The following DYRK1A variants were observed in gnomAD, a reference collection of about 807,000 sequenced individuals.
The protein encoded by DYRK1A is dual specificity tyrosine phosphorylation regulated kinase 1A.
DYRK1A carries 9 observed loss-of-function variants against 79.7 expected under a neutral mutation model. The ratio of observed to expected loss-of-function variants is 0.11; its 90% CI spans 0.07 to 0.20. The LOEUF (loss-of-function observed/expected upper bound fraction) is 0.20, where lower values mean the gene tolerates loss of function less well. DYRK1A is among the 10% of genes least tolerant of loss of function. DYRK1A has a pLI of 1.00. For synonymous variants in DYRK1A, 349 were observed against 329.7 expected (o/e 1.06, Z -0.63); for missense variants, 622 against 956.0 (o/e 0.65, Z 4.61).
chr21:37,512,239 C>T lies in DYRK1A; in HGVS notation c.1973C>T (p.Thr658Ile). Reference sequence around the variant, plus strand: ...TCTTCCTCAACGACTTCTTCCTCGACATCTTCCTCCTCTACTGGTAACCAA... The same window carrying T: ...TCTTCCTCAACGACTTCTTCCTCGATATCTTCCTCCTCTACTGGTAACCAA... Reference protein sequence around the residue: ...SLSSSTTSSSTSSSSTGNQGN... With the variant: ...SLSSSTTSSSISSSSTGNQGN... The change falls in exon 12 of 12, where the codon ACA (threonine) becomes ATA (isoleucine). Residue 658 changes from threonine to isoleucine, a missense_variant. By Grantham distance (89) the Thr-to-Ile change is moderately conservative. Transcript: ENST00000647188. The T allele has an allele frequency of 2.5e-6, 4 of 1,614,232 alleles. No individual in the cohort carries two copies. The highest frequency in any genetic ancestry group is 3.4e-6 in the Non-Finnish European group (4 of 1,180,036).
At chr21:37,502,363 T>C (rs2148642828) in intron 9 of DYRK1A, 1 of 152,308 alleles carries the variant, frequency 6.6e-6, no homozygotes, top group South Asian at 2.1e-4. Context: ...CGGGGAGGTT[T>C]GTTGAATACT....
At chr21:37,510,816 G>A (rs1260770184) in intron 11 of DYRK1A, among the ~76,000 whole-genome samples, 1 of 152,014 alleles carries the variant, frequency 6.6e-6, no homozygotes, top group Non-Finnish European at 1.5e-5. Flanking sequence ...AGTGACACAA[G>A]CTTTCATTCA....
At chr21:37,389,637 T>C (rs1239881114) in intron 1 of DYRK1A, among the ~76,000 whole-genome samples, 1 of 152,226 alleles carries the variant, frequency 6.6e-6, no homozygotes, top group East Asian at 1.9e-4. Flanking sequence ...CTCAAATATT[T>C]GGCCATCCTT....
rs1434471302 is a variant in DYRK1A, at chr21:37,520,341, A to G, written c.*7810A>G. On this transcript the variant is annotated 3_prime_UTR_variant, in exon 12 of 12. Transcript: ENST00000647188. ...TCTTAAGTTTATAAATAAAACAGGGATATTATCGGGGAAGCTTTTGAAATG... is the reference window on the plus strand; with the variant it reads ...TCTTAAGTTTATAAATAAAACAGGGGTATTATCGGGGAAGCTTTTGAAATG... 6.6e-6 allele frequency: 1 copy of G among 152,190 alleles called. No homozygotes were observed. Among genetic ancestry groups the G allele is most frequent in the Non-Finnish European group, 1.5e-5 (1 of 68,022 alleles). 9.4% of individuals were successfully genotyped at this position (152,190 alleles called of 1,614,324 possible). A position where few individuals can be genotyped will look rare whatever the true frequency, so the allele number is the denominator to read the frequency against.
At chr21:37,385,206 A>G (rs1347307544) in intron 1 of DYRK1A, among the ~76,000 whole-genome samples, 1 of 152,198 alleles carries the variant, frequency 6.6e-6, no homozygotes, top group Non-Finnish European at 1.5e-5. Context: ...ATATCACCAC[A>G]GAGTTAGTAG....
intron 3 of DYRK1A, among the ~76,000 whole-genome samples, chr21:37,477,474 G>C (rs778364692): frequency 8.5e-5 from 13 of 152,150 alleles, no homozygotes; most frequent in Admixed American, 2.0e-4. Flanking sequence ...GTGTATAGAG[G>C]GGGTGCATGC....
chr21:37,500,976 G>T, intron 9 of DYRK1A, among the ~76,000 whole-genome samples: 1 of 143,872 alleles, frequency 7.0e-6, no homozygotes, highest in Non-Finnish European at 1.5e-5. Flanking sequence ...TTTCTATTCT[G>T]TTTTTTGCTC....
rs1569304612 is a variant in DYRK1A, at chr21:37,417,535, T to TTTTTCTTTTC, written c.-76-2760_-76-2759insCTTTTCTTTT. ...TCTTTTTCTTTTTCTTTTTCTTTTT[T>TTTTTCTTTTC]TTTTTTTTTTTTTTTTTTTACAAAT... On this transcript the variant is annotated intron_variant, in intron 1 of 11. Coordinates refer to ENST00000647188, the MANE Select transcript of DYRK1A (RefSeq NM_001347721.2). Among the ~76,000 whole-genome samples the TTTTTCTTTTC allele has an allele frequency of 3.9e-3, 137 of 35,186 alleles. 2 individuals are homozygous for TTTTTCTTTTC. Among genetic ancestry groups the TTTTTCTTTTC allele is most frequent in the African/African-American group, 0.012 (132 of 10,906 alleles). The allele number at this position is 35,186 out of a possible 152,430, so 23.1% of individuals were successfully genotyped here.
At chr21:37,371,755 CCCCATGTTAG>C (rs1401086283) in intron 1 of DYRK1A, among the ~76,000 whole-genome samples, 2 of 152,150 alleles carry the variant, frequency 1.3e-5, no homozygotes, top group Non-Finnish European at 2.9e-5. Flanking sequence ...TGTTTTATCT[CCCCATGTTAG>C]AAAAGTTTGT....
intron 1 of DYRK1A, chr21:37,418,877 C>T (rs549176681): frequency 6.6e-6 from 1 of 152,064 alleles, no homozygotes; most frequent in East Asian, 1.9e-4. Context: ...GGAATATAGG[C>T]AAAGATTTCA....
intron 2 of DYRK1A, among the ~76,000 whole-genome samples, chr21:37,452,863 T>C (rs139849627): frequency 2.0e-4 from 31 of 151,986 alleles, no homozygotes; most frequent in African/African-American, 5.8e-4. Context: ...ATGCCTTTAA[T>C]GTTAAGAGCG....
At chr21:37,421,273 C>A (rs1477461688) in intron 2 of DYRK1A, among the ~76,000 whole-genome samples, 2 of 151,836 alleles carry the variant, frequency 1.3e-5, no homozygotes, top group Non-Finnish European at 2.9e-5. Context: ...CTAACAGATG[C>A]CTAATTATAT....
At chr21:37,458,274 G>C (rs1210949531) in intron 2 of DYRK1A, among the ~76,000 whole-genome samples, 4 of 145,710 alleles carry the variant, frequency 2.7e-5, no homozygotes, top group African/African-American at 1.0e-4. Flanking sequence ...TTTACTGTGT[G>C]TGTGTGTGTG....
chr21:37,405,693 G>A (rs8133143), intron 1 of DYRK1A, among the ~76,000 whole-genome samples: 8,081 of 152,152 alleles, frequency 0.053, 759 homozygotes, highest in African/African-American at 0.18. Flanking sequence ...AAATCTAAAT[G>A]TTTCCCTCTT....
intron 2 of DYRK1A, among the ~76,000 whole-genome samples, chr21:37,452,345 T>G: frequency 3.0e-5 from 4 of 133,062 alleles, no homozygotes; most frequent in South Asian, 2.6e-4. Context: ...GTAGTTAGAT[T>G]GAGGGGGATT....
At chr21:37,470,359 T>C (rs2052180273) in intron 2 of DYRK1A, among the ~76,000 whole-genome samples, 1 of 152,188 alleles carries the variant, frequency 6.6e-6, no homozygotes, top group South Asian at 2.1e-4. Context: ...TCTACAATAT[T>C]GCATTGAATA....
chr21:37,377,151 G>A (rs929368277), intron 1 of DYRK1A, among the ~76,000 whole-genome samples: 3 of 152,086 alleles, frequency 2.0e-5, no homozygotes, highest in East Asian at 1.9e-4. Context: ...ACGGAGTCTC[G>A]CTCTTTCCCC....
Position 37,526,088 on chromosome 21 carries a change from A to G in DYRK1A, c.*13557A>G, listed in dbSNP as rs891184187. 2.6e-5 allele frequency: 4 copies of G among 152,192 alleles called. No individual in the cohort carries two copies. Among genetic ancestry groups the G allele is most frequent in the Admixed American group, 2.0e-4 (3 of 15,278 alleles). The allele number at this position is 152,192 out of a possible 1,614,324, so 9.4% of individuals were successfully genotyped here. A position where few individuals can be genotyped will look rare whatever the true frequency, so the allele number is the denominator to read the frequency against. On this transcript the variant is annotated 3_prime_UTR_variant, in exon 12 of 12. Coordinates refer to ENST00000647188, the MANE Select transcript of DYRK1A (RefSeq NM_001347721.2). ...AATGTTACTGCTTTAAGCTCTTCCCATGTTGTTAAAAGTTAAAAAAAGAAG... is the reference window on the plus strand; with the variant it reads ...AATGTTACTGCTTTAAGCTCTTCCCGTGTTGTTAAAAGTTAAAAAAAGAAG...
Position 37,394,597 on chromosome 21 carries a change from C to G in DYRK1A, c.-76-25702C>G, listed in dbSNP as rs866252183. ...GCCTGAGCTCTGCCTCCTGTCAGAT[C>G]AGTGGCGGCATTTGATTCTCATAGG... On this transcript the variant is annotated intron_variant, in intron 1 of 11. Coordinates refer to ENST00000647188, the MANE Select transcript of DYRK1A (RefSeq NM_001347721.2). 5.9e-5 allele frequency among the ~76,000 whole-genome samples: 9 copies of G among 152,260 alleles called. No homozygotes were observed. In the South Asian group the frequency reaches 6.2e-4, roughly 11 times the overall value.
Sources: gnomAD v4.1 joint callset for allele counts (sites outside exome capture counted in the v4.1 genomes callset) on GRCh38, gnomAD v4.1.1 for gene constraint, MANE v1.5 for transcripts, NCBI Gene and HGNC (gene_info 2026-07-23, HGNC 2026-07-21) for gene names.